SGIP1: variants seen among roughly 807,000 people sequenced by gnomAD.
SGIP1 encodes the protein SH3GL interacting endocytic adaptor 1, also known as SH3-containing GRB2-like protein 3-interacting protein 1.
Under a neutral mutation model 107.5 loss-of-function variants are expected in SGIP1, and 38 were observed. The ratio of observed to expected loss-of-function variants is 0.35; its 90% CI spans 0.27 to 0.46. SGIP1 has a LOEUF of 0.46. Ranked by LOEUF, SGIP1 falls within the 20% of genes least tolerant of loss-of-function variation. The pLI, the probability that SGIP1 is intolerant of heterozygous loss-of-function variation, is 1.00. For synonymous variants in SGIP1, 365 were observed against 366.1 expected (o/e 1.00, Z 0.03); for missense variants, 929 against 1,019.5 (o/e 0.91, Z 1.21).
intron 18 of SGIP1, 95 bp downstream of exon 18, chr1:66,695,588 T>A: frequency 8.2e-7 from 1 of 1,222,214 alleles, no homozygotes; most frequent in Non-Finnish European, 1.2e-6. Context: ...CTTCAAAAGT[T>A]CTGGTCTCAC....
intron 12 of SGIP1, among the ~76,000 whole-genome samples, chr1:66,673,690 G>C (rs2084436042): frequency 6.6e-6 from 1 of 152,176 alleles, no homozygotes. Flanking sequence ...ATCATTTGAG[G>C]TGTCAACAGA....
At chr1:66,719,243 C>G in intron 18 of SGIP1, 51 bp from the exon 19 acceptor site, 1 of 1,253,774 alleles carries the variant, frequency 8.0e-7, no homozygotes, top group Non-Finnish European at 1.1e-6. Flanking sequence ...TTCACATATA[C>G]TAAAGTGTCT....
chr1:66,563,953 G>T (rs1374133777), intron 1 of SGIP1, among the ~76,000 whole-genome samples: 3 of 152,022 alleles, frequency 2.0e-5, no homozygotes, highest in South Asian at 4.1e-4. Context: ...GTCCTGCCAT[G>T]AATAGATGTG....
At chr1:66,576,000 G>A (rs894845469) in intron 1 of SGIP1, among the ~76,000 whole-genome samples, 2 of 152,182 alleles carry the variant, frequency 1.3e-5, no homozygotes, top group Non-Finnish European at 2.9e-5. Context: ...GAACACGTGT[G>A]CACTGCACTG....
At chr1:66,661,254 A>G (rs1360699938) in intron 8 of SGIP1, among the ~76,000 whole-genome samples, 1 of 152,212 alleles carries the variant, frequency 6.6e-6, no homozygotes, top group African/African-American at 2.4e-5. Context: ...TGCATGGCTG[A>G]CAGAGGTGAC....
chr1:66,543,635 A>C (rs536357326), intron 1 of SGIP1, among the ~76,000 whole-genome samples: 1 of 152,318 alleles, frequency 6.6e-6, no homozygotes, highest in African/African-American at 2.4e-5. Context: ...CTGAGTACAC[A>C]TACAATGTGA....
rs191176247 is a variant in SGIP1, at chr1:66,670,658, C to T, written c.484-337C>T. On this transcript the variant is annotated intron_variant, in intron 9 of 24. Coordinates refer to ENST00000371037, the MANE Select transcript of SGIP1 (RefSeq NM_032291.4). ...TAAGCATCAAATATATGCTAAACTT[C>T]GATTTACTTTCTTATCTACTAGACT... is the stretch of plus-strand genomic sequence containing the variant. Among the ~76,000 whole-genome samples, 16 of 152,214 alleles carry T rather than the reference C, an allele frequency of 1.1e-4. No individual in the cohort carries two copies. The East Asian group carries it at 2.1e-3, about 20-fold the overall frequency.
At chr1:66,713,510 A>G (rs1375963078) in intron 18 of SGIP1, among the ~76,000 whole-genome samples, 1 of 152,204 alleles carries the variant, frequency 6.6e-6, no homozygotes, top group Non-Finnish European at 1.5e-5. Context: ...CATAAAATCC[A>G]TGTCAATAAA....
intron 24 of SGIP1, among the ~76,000 whole-genome samples, chr1:66,742,459 T>C (rs1225152151): frequency 9.9e-5 from 11 of 110,758 alleles, no homozygotes; most frequent in Non-Finnish European, 1.5e-4. Flanking sequence ...GAGCACCCTT[T>C]CTTTTTTTTT....
Position 66,719,349 on chromosome 1 carries a change from T to C in SGIP1, c.1686T>C (p.Val562=), listed in dbSNP as rs779816198. Residue 562 remains valine (V), a synonymous_variant, in exon 19 of 25, where the codon GTT becomes GTC. Coordinates refer to ENST00000371037, the MANE Select transcript of SGIP1 (RefSeq NM_032291.4). ...TGGGAGCTCAGGACACTCTCCCTGT[T>C]GCAGCAGCATTTACAGAAACAGTCA... ...LTMGAQDTLP[V]AAAFTETVNA... is the part of the protein sequence containing the mutation. 2.3e-5 allele frequency: 37 copies of C among 1,613,542 alleles called. No individual in the cohort carries two copies. Among genetic ancestry groups the C allele is most frequent in the South Asian group, 1.5e-4 (14 of 91,042 alleles).
At chr1:66,711,243 T>A (rs915307553) in intron 18 of SGIP1, among the ~76,000 whole-genome samples, 2 of 152,162 alleles carry the variant, frequency 1.3e-5, no homozygotes, top group South Asian at 4.1e-4. Flanking sequence ...TTATTGACTA[T>A]CCTCAAATAA....
chr1:66,672,954 G>A (rs1473471582), intron 11 of SGIP1, among the ~76,000 whole-genome samples: 1 of 151,986 alleles, frequency 6.6e-6, no homozygotes, highest in East Asian at 1.9e-4. Context: ...AATAAACTCA[G>A]CTCTAGTATT....
chr1:66,565,236 C>T (rs758138160), intron 1 of SGIP1, among the ~76,000 whole-genome samples: 1 of 151,974 alleles, frequency 6.6e-6, no homozygotes, highest in Non-Finnish European at 1.5e-5. Flanking sequence ...AACTTGTAAC[C>T]AAATTTATTG....
chr1:66,686,118 A>G (rs1045359006), intron 15 of SGIP1, among the ~76,000 whole-genome samples: 8 of 152,270 alleles, frequency 5.3e-5, no homozygotes, highest in African/African-American at 1.9e-4. Flanking sequence ...TAGTTTAAAA[A>G]GGTAACTTAG....
intron 1 of SGIP1, among the ~76,000 whole-genome samples, chr1:66,561,971 T>C (rs2059012697): frequency 6.6e-6 from 1 of 152,058 alleles, no homozygotes; most frequent in South Asian, 2.1e-4. Flanking sequence ...TTGCTTTTGG[T>C]TGCCCATTCC....
intron 1 of SGIP1, among the ~76,000 whole-genome samples, chr1:66,600,444 ATGG>A (rs1192588569): frequency 6.6e-6 from 1 of 152,194 alleles, no homozygotes; most frequent in Non-Finnish European, 1.5e-5. Context: ...ACAAGCTCTG[ATGG>A]TGGCAGCAAG....
intron 1 of SGIP1, among the ~76,000 whole-genome samples, chr1:66,542,235 C>T (rs1298481041): frequency 1.3e-5 from 2 of 151,610 alleles, no homozygotes; most frequent in Middle Eastern, 3.2e-3. Flanking sequence ...TTAAATTTAC[C>T]TATGGTAAAG....
rs890053639 is a variant in SGIP1 at position 66,611,691 on chromosome 1, G to A, written c.11-14156G>A. 5.3e-5 allele frequency among the ~76,000 whole-genome samples: 8 copies of A among 152,138 alleles called. No individual in the cohort carries two copies. In the East Asian group the frequency reaches 5.8e-4, roughly 11 times the overall value. ...TGGGAGAAGTCTATGTGAACAGATCGGATGGACACAAGAAAGAGACCTAAC... is the reference window on the plus strand; with the variant it reads ...TGGGAGAAGTCTATGTGAACAGATCAGATGGACACAAGAAAGAGACCTAAC... On this transcript the variant is annotated intron_variant, in intron 1 of 24. Coordinates refer to ENST00000371037, the MANE Select transcript of SGIP1 (RefSeq NM_032291.4).
intron 2 of SGIP1, among the ~76,000 whole-genome samples, chr1:66,630,815 G>A: frequency 2.3e-4 from 1 of 4,314 alleles, no homozygotes; most frequent in East Asian, 0.033. Context: ...AAGAAAGAAA[G>A]AAAGAAAGAA....
Sources: allele counts gnomAD v4.1 joint callset (sites outside exome capture counted in the v4.1 genomes callset), GRCh38; gene constraint gnomAD v4.1.1; transcripts MANE v1.5; gene names NCBI Gene and HGNC (gene_info 2026-07-23, HGNC 2026-07-21).